Variants in PCDHGA1 observed in about 807,000 individuals in gnomAD.
The protein encoded by PCDHGA1 is protocadherin gamma subfamily A, 1.
PCDHGA1 carries 32 observed loss-of-function variants against 58.0 expected under a neutral mutation model. The observed-to-expected ratio is 0.55, with a 90% CI of 0.42 to 0.74. The LOEUF (loss-of-function observed/expected upper bound fraction) is 0.74. Ranked by LOEUF, PCDHGA1 falls within the 30% of genes least tolerant of loss-of-function variation. The probability of loss-of-function intolerance (pLI) is 0.00; values close to 1 mark genes in which losing one functional copy is unlikely to be tolerated. For missense variants in PCDHGA1, 1,205 were observed against 1,182.3 expected (o/e 1.02, Z -0.28); for synonymous variants, 498 against 501.1 (o/e 0.99, Z 0.08).
intron 1 of PCDHGA1, chr5:141,340,357 C>G (rs765686553): frequency 1.2e-6 from 2 of 1,614,182 alleles, no homozygotes; most frequent in Non-Finnish European, 1.7e-6. Context: ...CCTACATTCC[C>G]GAAAACAACC....
In PCDHGA1 at chr5:141,432,498, G is replaced by A. The variant is rs766191511; in HGVS notation, c.2422-62309G>A. Reference sequence around the variant, plus strand: ...TCCACTGGCGTGGAGCTGGCTCCCCGCTCCGCAGAGCCCGGCTACCTGGTG... The same window carrying A: ...TCCACTGGCGTGGAGCTGGCTCCCCACTCCGCAGAGCCCGGCTACCTGGTG... On this transcript the variant is annotated intron_variant, in intron 1 of 3. Coordinates refer to ENST00000517417, the MANE Select transcript of PCDHGA1 (RefSeq NM_018912.3). This position sits in a 1 kb window ranked among gnomAD's most constrained non-coding sequence, Gnocchi z 6.0. The A allele has an allele frequency of 1.9e-6, 3 of 1,614,106 alleles. No homozygotes were observed. The highest frequency in any genetic ancestry group is 2.5e-6 in the Non-Finnish European group (3 of 1,180,052).
Position 141,339,012 on chromosome 5 carries a change from T to C in PCDHGA1, c.2421+5907T>C, listed in dbSNP as rs747009936. ...AAGTTGCCACACTGCAGAAAGCTGG[T>C]CCTGCTGTGCTTCCTTTTGGCGACC... On this transcript the variant is annotated intron_variant, in intron 1 of 3. Coordinates refer to ENST00000517417, the MANE Select transcript of PCDHGA1 (RefSeq NM_018912.3). 2 of 1,582,686 alleles carry C rather than the reference T, an allele frequency of 1.3e-6. No individual in the cohort carries two copies. Among genetic ancestry groups the C allele is most frequent in the Non-Finnish European group, 1.7e-6 (2 of 1,161,580 alleles).
chr5:141,344,367 G>C, intron 1 of PCDHGA1: 1 of 1,613,568 alleles, frequency 6.2e-7, no homozygotes, highest in Non-Finnish European at 8.5e-7. Context: ...TCTGGTTGAG[G>C]ATAAATTGAA....
intron 1 of PCDHGA1, chr5:141,361,475 A>G (rs1561523767): frequency 6.2e-7 from 1 of 1,614,020 alleles, no homozygotes; most frequent in Non-Finnish European, 8.5e-7. Context: ...GACGTCAACG[A>G]TAATGCCCCA....
Position 141,489,068 on chromosome 5 carries a change from G to GGCC in PCDHGA1, c.2422-5739_2422-5738insGCC. The GGCC allele has an allele frequency of 3.4e-6, 1 of 291,556 alleles. No individual in the cohort carries two copies. The allele number at this position is 291,556 out of a possible 1,614,324, so 18.1% of individuals were successfully genotyped here. A position where few individuals can be genotyped will look rare whatever the true frequency, so the allele number is the denominator to read the frequency against. ...CTCAAATTCAGCTCCCCTCCCCCCT[G>GGCC]CCCACCCCCGCCACTCGGTGACTAA... On this transcript the variant is annotated intron_variant, in intron 1 of 3. Coordinates refer to ENST00000517417, the MANE Select transcript of PCDHGA1 (RefSeq NM_018912.3). The surrounding 1 kb of genome is among the most constrained non-coding windows in gnomAD (Gnocchi z 4.5).
At chr5:141,395,140 C>T in intron 1 of PCDHGA1, 1 of 1,614,212 alleles carries the variant, frequency 6.2e-7, no homozygotes, top group Non-Finnish European at 8.5e-7. Flanking sequence ...CCCAACTACG[C>T]AGACATGCTC....
At chr5:141,367,000 T>G (rs990183992) in intron 1 of PCDHGA1, 4 of 452,734 alleles carry the variant, frequency 8.8e-6, no homozygotes, top group Non-Finnish European at 1.5e-5. Context: ...AATATAATCA[T>G]TTTACCCAAA....
Position 141,512,089 on chromosome 5 carries a change from T to C in PCDHGA1, c.*916T>C, listed in dbSNP as rs1292597067. 6.6e-6 allele frequency: 1 copy of C among 152,606 alleles called. No individual in the cohort carries two copies. Among genetic ancestry groups the C allele is most frequent in the Non-Finnish European group, 1.5e-5 (1 of 68,068 alleles). 9.5% of individuals were successfully genotyped at this position (152,606 alleles called of 1,614,324 possible). A position where few individuals can be genotyped will look rare whatever the true frequency, so the allele number is the denominator to read the frequency against. ...CCTCCAGATTCCAGCCATAAACCAA[T>C]AACTAGGCTGGACCCTTCCCACTAC... On this transcript the variant is annotated 3_prime_UTR_variant, in exon 4 of 4. Coordinates refer to ENST00000517417, the MANE Select transcript of PCDHGA1 (RefSeq NM_018912.3).
rs116335001 is a variant in PCDHGA1, at chr5:141,360,878, G to C, written c.2421+27773G>C. 2.7e-5 allele frequency: 43 copies of C among 1,614,024 alleles called. No homozygotes were observed. The African/African-American group carries it at 5.3e-4, about 20-fold the overall frequency. On this transcript the variant is annotated intron_variant, in intron 1 of 3. Transcript: ENST00000517417. ...CCAGTGTTCAGCCAGGACGTGTACA[G>C]GGTCACCCTGAGGGAGGACGTGCCG...
intron 1 of PCDHGA1, chr5:141,339,227 A>C (rs2149721179): frequency 6.2e-7 from 1 of 1,614,162 alleles, no homozygotes; most frequent in Non-Finnish European, 8.5e-7. Context: ...CAGCTTGGTC[A>C]CTGCGAACAG....
intron 1 of PCDHGA1, chr5:141,398,172 A>G (rs1386610242): frequency 6.1e-6 from 9 of 1,476,892 alleles, no homozygotes; most frequent in Non-Finnish European, 7.2e-6. Context: ...AGAGGCTGCC[A>G]GTGCTCTTTC....
intron 1 of PCDHGA1, chr5:141,409,051 C>T (rs767003760): frequency 3.7e-6 from 6 of 1,614,032 alleles, no homozygotes; most frequent in Non-Finnish European, 5.1e-6. Context: ...ACTTCCGAAG[C>T]ACTGCCCAGA....
chr5:141,390,097 C>T, intron 1 of PCDHGA1: 1 of 1,614,026 alleles, frequency 6.2e-7, no homozygotes, highest in Non-Finnish European at 8.5e-7. Context: ...TCCGTGGTTC[C>T]CCCCAACTAC....
chr5:141,481,207 C>T (rs1287298617), intron 1 of PCDHGA1, among the ~76,000 whole-genome samples: 3 of 152,154 alleles, frequency 2.0e-5, no homozygotes, highest in Non-Finnish European at 1.5e-5. Flanking sequence ...TTTTAAAAAA[C>T]ATGGTAAGGT....
intron 1 of PCDHGA1, chr5:141,383,842 T>C: frequency 6.2e-7 from 1 of 1,613,970 alleles, no homozygotes. Context: ...AACTGCCTTC[T>C]ATGAAATGGA....
In PCDHGA1 at chr5:141,340,654, G is replaced by T; in HGVS notation, c.2421+7549G>T. ...TGGACCAGAACGACAACGCGCCCGA[G>T]ATCCTGTACCCTGCCTTCCCCACAG... On this transcript the variant is annotated intron_variant, in intron 1 of 3. Transcript: ENST00000517417. 6.2e-7 allele frequency: 1 copy of T among 1,614,246 alleles called. No homozygotes were observed. Among genetic ancestry groups the T allele is most frequent in the Non-Finnish European group, 8.5e-7 (1 of 1,180,048 alleles).
rs146299808 is a variant in PCDHGA1 at position 141,350,246 on chromosome 5, C to G, written c.2421+17141C>G. 2.8e-5 allele frequency: 42 copies of G among 1,506,060 alleles called. No individual in the cohort carries two copies. The East Asian group carries it at 8.2e-4, about 30-fold the overall frequency. The allele number at this position is 1,506,060 out of a possible 1,614,324, so 93.3% of individuals were successfully genotyped here. A position where few individuals can be genotyped will look rare whatever the true frequency, so the allele number is the denominator to read the frequency against. ...AACATCCCAGAGGAAAGAAGCTCCG[C>G]GGAGAGTTCCTGAAATGCAGAGAGC... On this transcript the variant is annotated intron_variant, in intron 1 of 3. Transcript: ENST00000517417.
At chr5:141,371,572 A>T in intron 1 of PCDHGA1, 1 of 1,613,960 alleles carries the variant, frequency 6.2e-7, no homozygotes, top group Non-Finnish European at 8.5e-7. Context: ...TTCCCCTTTA[A>T]AATCGTTCAA....
chr5:141,384,119 C>G, intron 1 of PCDHGA1: 5 of 1,608,930 alleles, frequency 3.1e-6, no homozygotes, highest in Non-Finnish European at 4.2e-6. Context: ...TTGGTCACAA[C>G]CAAAAACTTG....
Sources: gnomAD v4.1 joint callset for allele counts (sites outside exome capture counted in the v4.1 genomes callset) on GRCh38, gnomAD v4.1.1 for gene constraint, Gnocchi (gnomAD v3.1) non-coding constraint, MANE v1.5 for transcripts, NCBI Gene and HGNC (gene_info 2026-07-23, HGNC 2026-07-21) for gene names.